NCALD: variants seen among roughly 807,000 people sequenced by gnomAD.
The protein encoded by NCALD is neurocalcin-delta.
NCALD carries 10 observed loss-of-function variants against 18.6 expected under a neutral mutation model. The ratio of observed to expected loss-of-function variants is 0.54; its 90% confidence interval spans 0.33 to 0.91. NCALD has a LOEUF of 0.91. Among genes scored for constraint, NCALD ranks in the 40% least tolerant of loss-of-function variants. The probability of loss-of-function intolerance (pLI) is 0.03; values close to 1 mark genes in which losing one functional copy is unlikely to be tolerated. For missense variants in NCALD, 184 were observed against 247.6 expected, an observed-to-expected ratio of 0.74 and a Z score of 1.72; for synonymous variants, 88 against 87.4, an observed-to-expected ratio of 1.01 and a Z score of -0.04.
At chr8:101,741,435 G>C (rs1041727110) in intron 1 of NCALD, among the ~76,000 whole-genome samples, 10 of 152,150 alleles carry the variant, frequency 6.6e-5, no homozygotes, top group African/African-American at 2.4e-4. Context: ...ATCATGTGTA[G>C]CTAGCAAACA....
intron 1 of NCALD, among the ~76,000 whole-genome samples, chr8:102,073,951 C>T (rs1824262582): frequency 6.6e-6 from 1 of 152,108 alleles, no homozygotes; most frequent in African/African-American, 2.4e-5. Context: ...ATTGGAACAC[C>T]TCGAGTTAGA....
intron 2 of NCALD, among the ~76,000 whole-genome samples, chr8:101,963,963 A>C (rs1214311306): frequency 3.3e-5 from 5 of 152,226 alleles, no homozygotes; most frequent in African/African-American, 1.2e-4. Context: ...TCTTATACTT[A>C]ATGGAACTTC....
chr8:101,850,992 G>A (rs1179942841), intron 4 of NCALD, among the ~76,000 whole-genome samples: 1 of 152,122 alleles, frequency 6.6e-6, no homozygotes, highest in Non-Finnish European at 1.5e-5. Context: ...TGGACTAAAT[G>A]TTCTGTGTTT....
chr8:101,746,426 A>T (rs1167552616), intron 1 of NCALD, among the ~76,000 whole-genome samples: 1 of 151,716 alleles, frequency 6.6e-6, no homozygotes. Context: ...TACTAATAGC[A>T]ATAGCAACAA....
At chr8:101,909,568 T>G (rs2131597848) in intron 3 of NCALD, among the ~76,000 whole-genome samples, 2 of 152,288 alleles carry the variant, frequency 1.3e-5, no homozygotes, top group Admixed American at 1.3e-4. Flanking sequence ...TCATATACTA[T>G]CTCATATAAT....
intron 4 of NCALD, among the ~76,000 whole-genome samples, chr8:101,856,702 C>G (rs988491942): frequency 6.6e-6 from 1 of 152,120 alleles, no homozygotes; most frequent in African/African-American, 2.4e-5. Flanking sequence ...TATAAAGCAG[C>G]CCCTGGAAAC....
chr8:102,095,122 T>C (rs1438424184), intron 1 of NCALD, among the ~76,000 whole-genome samples: 5 of 152,192 alleles, frequency 3.3e-5, no homozygotes, highest in Non-Finnish European at 7.3e-5. Flanking sequence ...GTATGTTTTG[T>C]TGAGTATAAA....
At chr8:101,786,381 C>A (rs2130989938) in intron 1 of NCALD, among the ~76,000 whole-genome samples, 1 of 152,256 alleles carries the variant, frequency 6.6e-6, no homozygotes, top group Non-Finnish European at 1.5e-5. Flanking sequence ...ATGCAGTAGT[C>A]CGTTAATAAA....
chr8:101,731,828 A>C (rs951621466), intron 1 of NCALD, among the ~76,000 whole-genome samples: 13 of 152,172 alleles, frequency 8.5e-5, no homozygotes, highest in Non-Finnish European at 7.4e-5. Context: ...CTTTCACTGC[A>C]TGCTTAAAGG....
intron 2 of NCALD, among the ~76,000 whole-genome samples, chr8:101,964,564 T>C (rs1049007114): frequency 2.0e-5 from 3 of 152,270 alleles, no homozygotes; most frequent in African/African-American, 4.8e-5. Context: ...AAATTTGGAA[T>C]TGGTGCACAT....
At chr8:102,083,885 C>T (rs955291878) in intron 1 of NCALD, among the ~76,000 whole-genome samples, 2 of 152,224 alleles carry the variant, frequency 1.3e-5, no homozygotes, top group African/African-American at 2.4e-5. Flanking sequence ...TACATTGTTA[C>T]GACTATGATT....
At chr8:101,814,447 T>C (rs1440991911) in intron 4 of NCALD, among the ~76,000 whole-genome samples, 1 of 151,932 alleles carries the variant, frequency 6.6e-6, no homozygotes, top group Non-Finnish European at 1.5e-5. Flanking sequence ...CTACTCATGA[T>C]TAAAAACTCT....
intron 1 of NCALD, among the ~76,000 whole-genome samples, chr8:102,094,625 T>G (rs776012525): frequency 5.1e-4 from 78 of 152,222 alleles, no homozygotes; most frequent in Non-Finnish European, 8.4e-4. Context: ...AAGACATTCT[T>G]ATGGGCTGAA....
rs763076777 is a variant in NCALD, at chr8:101,719,661, A to G, written c.-19-13T>C. The G allele has an allele frequency of 3.8e-5, 58 of 1,534,040 alleles. 1 individual carries two copies. The South Asian group carries it at 6.7e-4, about 18-fold the overall frequency. ...GGCAAGAATTCAGCTGCAGATAGAA[A>G]AGAAAACATATATAATTTGTAGAGC... On this transcript the variant is annotated splice_polypyrimidine_tract_variant and intron_variant, in intron 1 of 3. Transcript: ENST00000220931.
intron 1 of NCALD, among the ~76,000 whole-genome samples, chr8:102,023,525 G>T (rs999779552): frequency 6.6e-6 from 1 of 152,228 alleles, no homozygotes; most frequent in East Asian, 1.9e-4. Context: ...CCATTCCCAA[G>T]GGGGAATCTA....
At chr8:101,758,308 C>T (rs76468603) in intron 1 of NCALD, among the ~76,000 whole-genome samples, 6,964 of 152,210 alleles carry the variant, frequency 0.046, 380 homozygotes, top group African/African-American at 0.13. Flanking sequence ...CCCAGCTCTC[C>T]CCCTCCATAG....
chr8:101,922,574 A>G (rs1818205697), intron 2 of NCALD, among the ~76,000 whole-genome samples: 1 of 152,216 alleles, frequency 6.6e-6, no homozygotes, highest in South Asian at 2.1e-4. Flanking sequence ...TTTCATTAAA[A>G]TATATATGTA....
At chr8:101,842,206 C>T (rs1027816174) in intron 4 of NCALD, among the ~76,000 whole-genome samples, 1 of 152,086 alleles carries the variant, frequency 6.6e-6, no homozygotes, top group Admixed American at 6.6e-5. Flanking sequence ...TAGGGCCCAC[C>T]CTAATGACCT....
intron 1 of NCALD, among the ~76,000 whole-genome samples, chr8:102,087,543 C>T (rs895202994): frequency 6.6e-6 from 1 of 152,156 alleles, no homozygotes; most frequent in African/African-American, 2.4e-5. Flanking sequence ...CTTGACCAAA[C>T]TTGGGTTTGA....
Sources: allele counts gnomAD v4.1 joint callset (sites outside exome capture counted in the v4.1 genomes callset), GRCh38; gene constraint gnomAD v4.1.1; transcripts MANE v1.5; gene names NCBI Gene and HGNC (gene_info 2026-07-23, HGNC 2026-07-21).